RPS29: variants seen among roughly 807,000 people sequenced by gnomAD.
The protein encoded by RPS29 is ribosomal protein S29.
For synonymous variants in RPS29, 37 were observed against 26.9 expected, an observed-to-expected ratio of 1.37 and a Z score of -1.16; for missense variants, 60 against 75.7, an observed-to-expected ratio of 0.79 and a Z score of 0.77.
At chr14:49,593,926 T>C (rs1881768215) in intron 1 of RPS29, among the ~76,000 whole-genome samples, 1 of 152,174 alleles carries the variant, frequency 6.6e-6, no homozygotes, top group Non-Finnish European at 1.5e-5. Flanking sequence ...ATGAAGGTTT[T>C]TGGGAGAAAT....
chr14:49,586,478 G>C, upstream of RPS29: 1 of 777,176 alleles, frequency 1.3e-6, no homozygotes, highest in Non-Finnish European at 2.2e-6. Context: ...AGGTTGTTTC[G>C]CTGGGTGAGT....
chr14:49,586,206 G>A (rs924077391), intron 1 of RPS29, 79 bp downstream of exon 1: 9 of 1,483,736 alleles, frequency 6.1e-6, no homozygotes, highest in African/African-American at 2.8e-5. Flanking sequence ...CGTGCCGCCC[G>A]TGGCCTCCTC....
intron 1 of RPS29, chr14:49,598,214 G>T: frequency 1.8e-6 from 1 of 570,178 alleles, no homozygotes; most frequent in Non-Finnish European, 3.1e-6. Context: ...TTTTAAGGAG[G>T]CAAGACCACG....
Position 49,595,783 on chromosome 14 carries a change from CG to C in RPS29, c.-133+2616del, listed in dbSNP as rs548494425. On this transcript the variant is annotated intron_variant, in intron 1 of 3. Coordinates refer to the RPS29 transcript ENST00000556230. ...ATCCCAGCACTTTGGGAGGCTGGGG[CG>C]GGTGGATCACCAGAGGTCAGGAGTT... 3.7e-4 allele frequency among the ~76,000 whole-genome samples: 57 copies of C among 152,210 alleles called. No homozygotes were observed. The South Asian group carries it at 0.01, about 28-fold the overall frequency.
exon 3 of RPS29, chr14:49,575,823 C>A (rs2139500975): frequency 6.6e-6 from 1 of 152,272 alleles, no homozygotes; most frequent in Admixed American, 6.5e-5. Flanking sequence ...GAATGCCAGT[C>A]TGGGTGATAG....
At chr14:49,593,818 C>T (rs1246039841) in intron 1 of RPS29, among the ~76,000 whole-genome samples, 1 of 151,714 alleles carries the variant, frequency 6.6e-6, no homozygotes, top group Non-Finnish European at 1.5e-5. Flanking sequence ...GGCAATCTGT[C>T]CTCCTAAGTA....
rs1881412082 is a variant in RPS29, at chr14:49,583,661, G to A, written c.*6C>T. On this transcript the variant is annotated 3_prime_UTR_variant, in exon 3 of 3. Transcript: ENST00000245458. ...TGCCCCGGATAATCCTCTGAAGGAA[G>A]AGCATTTAGTCCAACTGAAAAAAAA... 6.4e-7 allele frequency: 1 copy of A among 1,564,228 alleles called. No homozygotes were observed.
chr14:49,589,309 GA>G (rs76667312), upstream of RPS29, among the ~76,000 whole-genome samples: 47 of 145,052 alleles, frequency 3.2e-4, 1 homozygote, highest in African/African-American at 8.1e-4. Flanking sequence ...CAAAGAAAAA[GA>G]AAAAAAAAAG....
downstream of RPS29, among the ~76,000 whole-genome samples, chr14:49,581,397 T>C (rs573583533): frequency 6.6e-6 from 1 of 152,188 alleles, no homozygotes; most frequent in South Asian, 2.1e-4. Flanking sequence ...CTAAGACAAG[T>C]CTCAAAGTCA....
At position 49,596,319 on chromosome 14, in the gene RPS29, T is replaced by C. The variant is rs185828762; in HGVS notation, c.-133+2081A>G. Among the ~76,000 whole-genome samples the C allele has an allele frequency of 2.5e-3, 378 of 152,334 alleles. 3 individuals are homozygous for C. Among genetic ancestry groups the C allele is most frequent in the Middle Eastern group, 0.014 (4 of 294 alleles). On this transcript the variant is annotated intron_variant, in intron 1 of 3. Transcript: ENST00000556230. ...GTCAAAAACTTGTAGTCCAATTATT[T>C]TTAACTCCTTATGTATTTCCATTTT... is the stretch of plus-strand genomic sequence containing the variant.
exon 3 of RPS29, chr14:49,576,890 A>T (rs992974389): frequency 1.3e-5 from 2 of 152,270 alleles, no homozygotes; most frequent in Admixed American, 6.5e-5. Context: ...AGGCATCCCC[A>T]GCCACATGGA....
intron 2 of RPS29, chr14:49,585,196 C>A (rs1010834662): frequency 6.6e-6 from 1 of 152,072 alleles, no homozygotes; most frequent in East Asian, 1.9e-4. Context: ...GGTAAAACCC[C>A]GTCTCTACTA....
intron 1 of RPS29, among the ~76,000 whole-genome samples, chr14:49,592,791 C>G (rs1881743710): frequency 6.6e-6 from 1 of 151,478 alleles, no homozygotes; most frequent in South Asian, 2.1e-4. Context: ...GCCTGTAATC[C>G]CAGCTACTCA....
exon 3 of RPS29, chr14:49,575,898 C>T (rs990668959): frequency 6.6e-6 from 1 of 152,154 alleles, no homozygotes; most frequent in Non-Finnish European, 1.5e-5. Flanking sequence ...ATGTTCAAGA[C>T]ATTAAATGAT....
chr14:49,580,891 A>C (rs1881314890), downstream of RPS29, among the ~76,000 whole-genome samples: 1 of 144,932 alleles, frequency 6.9e-6, no homozygotes, highest in East Asian at 2.0e-4. Context: ...TCTCAAAAGA[A>C]AAAAAAAAAA....
exon 3 of RPS29, chr14:49,577,585 C>G: frequency 1.5e-6 from 1 of 663,184 alleles, no homozygotes; most frequent in Admixed American, 2.2e-5. Flanking sequence ...CCAGAAGCCA[C>G]TGGGCAGTAT....
chr14:49,581,342 G>C (rs1297221558), downstream of RPS29, among the ~76,000 whole-genome samples: 4 of 152,158 alleles, frequency 2.6e-5, no homozygotes, highest in Non-Finnish European at 5.9e-5. Context: ...ACACAATACA[G>C]TTGATCACTC....
At chr14:49,576,013 T>C (rs1881169752) in exon 3 of RPS29, 1 of 152,222 alleles carries the variant, frequency 6.6e-6, no homozygotes, top group Admixed American at 6.5e-5. Flanking sequence ...AGGCTAATTT[T>C]TGGACCCTGT....
intron 2 of RPS29, among the ~76,000 whole-genome samples, chr14:49,584,085 G>A (rs1034051338): frequency 2.6e-5 from 4 of 152,158 alleles, no homozygotes; most frequent in Non-Finnish European, 2.9e-5. Flanking sequence ...GGGTTCAAGC[G>A]ATTCTCCCAC....
Sources: gnomAD v4.1 joint callset for allele counts (sites outside exome capture counted in the v4.1 genomes callset) on GRCh38, gnomAD v4.1.1 for gene constraint, MANE v1.5 for transcripts, NCBI Gene and HGNC (gene_info 2026-07-23, HGNC 2026-07-21) for gene names.